Variants in STAT3 observed in about 807,000 individuals in gnomAD.
STAT3 encodes DNA-binding protein APRF.
A neutral mutation model predicts 114.3 loss-of-function variants in STAT3; 7 were observed. The observed-to-expected ratio is 0.06, with a 90% confidence interval of 0.03 to 0.11. The LOEUF is 0.11. Among genes scored for constraint, STAT3 ranks in the 10% least tolerant of loss-of-function variants. The pLI is 1.00. For synonymous variants in STAT3, 331 were observed against 354.5 expected (o/e 0.93, Z 0.74); for missense variants, 364 against 960.9 (o/e 0.38, Z 8.21).
chr17:42,322,641 A>G, intron 20 of STAT3, 147 bp from the exon 21 acceptor site: 1 of 910,900 alleles, frequency 1.1e-6, no homozygotes, highest in Non-Finnish European at 1.8e-6. Flanking sequence ...GTGGCCTGGC[A>G]CTGTGGAAAT....
At chr17:42,319,588 T>C (rs2081387410) in intron 21 of STAT3, among the ~76,000 whole-genome samples, 2 of 148,334 alleles carry the variant, frequency 1.3e-5, no homozygotes, top group South Asian at 4.3e-4. Context: ...AATGACTTCA[T>C]TGTGTGGCTT....
intron 4 of STAT3, among the ~76,000 whole-genome samples, chr17:42,340,312 C>T (rs967782376): frequency 2.0e-5 from 3 of 149,032 alleles, no homozygotes; most frequent in Non-Finnish European, 4.4e-5. Context: ...GCCAAGACTG[C>T]GCCATGCACT....
chr17:42,385,999 T>A (rs1411146431), intron 1 of STAT3, among the ~76,000 whole-genome samples: 2 of 152,082 alleles, frequency 1.3e-5, no homozygotes, highest in African/African-American at 4.8e-5. Flanking sequence ...TCACTGATAC[T>A]TACTGGGCGC....
chr17:42,319,033 G>GA (rs2081359011), intron 21 of STAT3, among the ~76,000 whole-genome samples: 1 of 152,156 alleles, frequency 6.6e-6, no homozygotes, highest in Non-Finnish European at 1.5e-5. Context: ...TTGAGGCCAG[G>GA]AGTTCAAGAC....
chr17:42,378,148 G>C (rs1243875738), intron 1 of STAT3, among the ~76,000 whole-genome samples: 2 of 151,750 alleles, frequency 1.3e-5, no homozygotes, highest in African/African-American at 4.8e-5. Context: ...ACCGCACCCA[G>C]CCAGATTATT....
At chr17:42,323,200 C>A (rs959860576) in intron 19 of STAT3, 57 bp from the exon 20 acceptor site, 23 of 1,614,064 alleles carry the variant, frequency 1.4e-5, no homozygotes, top group Middle Eastern at 3.3e-4. Flanking sequence ...CCATCCCCTG[C>A]CACTGGCTTG....
In STAT3 at chr17:42,324,700, GA is replaced by G. The variant is rs1567709735; in HGVS notation, c.1600+10del. On this transcript the variant is annotated intron_variant, in intron 17 of 23. Transcript: ENST00000264657. This position sits in a 1 kb window ranked among gnomAD's most constrained non-coding sequence, Gnocchi z 4.5. ...CGGGTGGGCGGGAGGGAGAAGGGGT[GA>G]AATGCGGACCCAAGAGTTTCTCTGC... The G allele has an allele frequency of 1.2e-6, 2 of 1,604,868 alleles. No homozygotes were observed. Among genetic ancestry groups the G allele is most frequent in the African/African-American group, 2.7e-5 (2 of 74,842 alleles).
chr17:42,365,813 G>A (rs752687559), intron 1 of STAT3, among the ~76,000 whole-genome samples: 13 of 151,624 alleles, frequency 8.6e-5, no homozygotes, highest in African/African-American at 1.5e-4. Flanking sequence ...CCGGTACAAC[G>A]CCTGGCTAAT....
intron 23 of STAT3, 43 bp downstream of exon 23, chr17:42,316,746 C>G: frequency 6.2e-7 from 1 of 1,613,142 alleles, no homozygotes; most frequent in Non-Finnish European, 8.5e-7. Context: ...CAAAGGGGAC[C>G]AACTTCCCTT....
At position 42,313,881 on chromosome 17, in the gene STAT3, C is replaced by G. The variant is rs1289406522; in HGVS notation, c.*1864G>C. On this transcript the variant is annotated 3_prime_UTR_variant, in exon 24 of 24. Transcript: ENST00000264657. ...CTCCAGGCAGGAGGACTGGGGCGAA[C>G]CCTGTTCATCTTAGAGAAGGTCGTC... 4.3e-6 allele frequency: 1 copy of G among 232,610 alleles called. No homozygotes were observed. Among genetic ancestry groups the G allele is most frequent in the Non-Finnish European group, 8.5e-6 (1 of 117,414 alleles). 14.4% of individuals were successfully genotyped at this position (232,610 alleles called of 1,614,324 possible). A position where few individuals can be genotyped will look rare whatever the true frequency, so the allele number is the denominator to read the frequency against.
Position 42,317,499 on chromosome 17 carries a change from G to A in STAT3, c.2102-275C>T, listed in dbSNP as rs2081297948. The A allele has an allele frequency of 7.3e-6, 4 of 546,518 alleles. No individual in the cohort carries two copies. The Admixed American group carries it at 1.2e-4, about 17-fold the overall frequency. 33.9% of individuals were successfully genotyped at this position (546,518 alleles called of 1,614,324 possible). ...CATAACCTTTTCCCACCTGACCCTAGACTAATGCCACCTTGTGTCCCTTCT... is the reference window on the plus strand; with the variant it reads ...CATAACCTTTTCCCACCTGACCCTAAACTAATGCCACCTTGTGTCCCTTCT... On this transcript the variant is annotated intron_variant, in intron 21 of 23. Transcript: ENST00000264657.
At chr17:42,369,977 G>GT (rs1567751444) in intron 1 of STAT3, among the ~76,000 whole-genome samples, 1 of 150,890 alleles carries the variant, frequency 6.6e-6, no homozygotes, top group Non-Finnish European at 1.5e-5. Flanking sequence ...TTGGTTTTTT[G>GT]TTGTTGTTTT....
Position 42,315,701 on chromosome 17 carries a change from A to G in STAT3, c.*44T>C, listed in dbSNP as rs1171250945. 26 of 1,582,116 alleles carry G rather than the reference A, an allele frequency of 1.6e-5. No homozygotes were observed. The highest frequency in any genetic ancestry group is 2.1e-5 in the Non-Finnish European group (24 of 1,151,032). ...GTGTGAGGGGTGGCAGAATGCAGGT[A>G]GGCGCCTCAGTCGTATCTTTCTGCA... is the stretch of plus-strand genomic sequence containing the variant. On this transcript the variant is annotated 3_prime_UTR_variant, in exon 24 of 24. Transcript: ENST00000264657.
rs1567753151 is a variant in STAT3 at position 42,371,735 on chromosome 17, A to ACTTTGGG, written c.-24+16537_-24+16543dup. On this transcript the variant is annotated intron_variant, in intron 1 of 23. Transcript: ENST00000264657. ...GGTGGCTCATGCCTGTAATCCTAACACTTTGGGAAGCTGAGGCAGGTGGAT... is the reference window on the plus strand; with the variant it reads ...GGTGGCTCATGCCTGTAATCCTAACACTTTGGGCTTTGGGAAGCTGAGGCAGGTGGAT... Among the ~76,000 whole-genome samples, 5 of 151,100 alleles carry ACTTTGGG rather than the reference A, an allele frequency of 3.3e-5. No homozygotes were observed. In the East Asian group the frequency reaches 9.8e-4, roughly 30 times the overall value.
chr17:42,342,526 A>G (rs2082489532), intron 4 of STAT3, among the ~76,000 whole-genome samples: 1 of 151,988 alleles, frequency 6.6e-6, no homozygotes, highest in Non-Finnish European at 1.5e-5. Flanking sequence ...CATTTCCTAC[A>G]GTAATGGTGA....
chr17:42,329,831 CCTA>C (rs2081917566), intron 11 of STAT3, 55 bp from the exon 12 acceptor site: 1 of 1,587,518 alleles, frequency 6.3e-7, no homozygotes, highest in African/African-American at 1.3e-5. Flanking sequence ...CTTCAAAAAG[CCTA>C]CTTTGACCAC....
intron 1 of STAT3, among the ~76,000 whole-genome samples, chr17:42,355,715 A>G (rs2083193616): frequency 6.6e-6 from 1 of 152,232 alleles, no homozygotes; most frequent in African/African-American, 2.4e-5. Context: ...TGACTGAAAA[A>G]GTCTGTCCAA....
intron 8 of STAT3, among the ~76,000 whole-genome samples, chr17:42,334,430 G>T (rs2082144418): frequency 6.9e-6 from 1 of 145,302 alleles, no homozygotes; most frequent in Non-Finnish European, 1.5e-5. Flanking sequence ...GTAAGCCACT[G>T]CGCCTGGCCT....
chr17:42,340,970 G>A (rs866944365), intron 4 of STAT3, among the ~76,000 whole-genome samples: 1 of 152,058 alleles, frequency 6.6e-6, no homozygotes, highest in African/African-American at 2.4e-5. Flanking sequence ...TGGCTGGGGT[G>A]GGGTGGGGGT....
Sources: gnomAD v4.1 joint callset for allele counts (sites outside exome capture counted in the v4.1 genomes callset) on GRCh38, gnomAD v4.1.1 for gene constraint, Gnocchi (gnomAD v3.1) non-coding constraint, MANE v1.5 for transcripts, NCBI Gene and HGNC (gene_info 2026-07-23, HGNC 2026-07-21) for gene names.